Variants in WDFY4 observed in about 807,000 individuals in gnomAD.
WDFY4 encodes the protein WD repeat- and FYVE domain-containing protein 4.
A neutral mutation model predicts 351.9 loss-of-function variants in WDFY4; 169 were observed. The ratio of observed to expected loss-of-function variants is 0.48; its 90% confidence interval spans 0.42 to 0.55. The LOEUF (loss-of-function observed/expected upper bound fraction) is 0.55, where lower values mean the gene tolerates loss of function less well. Ranked by LOEUF, WDFY4 falls within the 20% of genes least tolerant of loss-of-function variation. WDFY4 has a pLI of 0.00. For synonymous variants in WDFY4, 1,622 were observed against 1,574.6 expected, an observed-to-expected ratio of 1.03 and a Z score of -0.71; for missense variants, 3,803 against 3,935.6, an observed-to-expected ratio of 0.97 and a Z score of 0.90.
At chr10:48,693,809 A>C (rs1028408726) in intron 1 of WDFY4, among the ~76,000 whole-genome samples, 1 of 152,150 alleles carries the variant, frequency 6.6e-6, no homozygotes, top group African/African-American at 2.4e-5. Flanking sequence ...CTGTATCTGA[A>C]AGTGTCTCTT....
In WDFY4 at chr10:48,729,413, G is replaced by T. The variant is rs915686577; in HGVS notation, c.972-19G>T. ...TCCATCTAGGAAGTACAGGGAGCTGGCCTCATCTGTTCCCCCAGGTATGAT... is the reference window on the plus strand; with the variant it reads ...TCCATCTAGGAAGTACAGGGAGCTGTCCTCATCTGTTCCCCCAGGTATGAT... On this transcript the variant is annotated intron_variant, in intron 7 of 61. Transcript: ENST00000325239. 6 of 1,549,882 alleles carry T rather than the reference G, an allele frequency of 3.9e-6. No homozygotes were observed. The African/African-American group carries it at 8.2e-5, about 21-fold the overall frequency.
In WDFY4 at chr10:48,959,872, C is replaced by T. The variant is rs1841780020; in HGVS notation, c.8223+59C>T. 10 of 1,468,602 alleles carry T rather than the reference C, an allele frequency of 6.8e-6. No homozygotes were observed. The East Asian group carries it at 1.2e-4, about 18-fold the overall frequency. The allele number at this position is 1,468,602 out of a possible 1,614,324, so 91.0% of individuals were successfully genotyped here. On this transcript the variant is annotated intron_variant, in intron 53 of 61. Transcript: ENST00000325239. ...GGGACCTGAACATCCCCTCAAGTTC[C>T]ACCGAGGCTTTCTGTCCAAGTGGAG...
chr10:48,904,832 G>A (rs1360725683), intron 47 of WDFY4, among the ~76,000 whole-genome samples: 1 of 152,206 alleles, frequency 6.6e-6, no homozygotes, highest in Non-Finnish European at 1.5e-5. Flanking sequence ...GATAGGGTCA[G>A]TCCCACCCAA....
intron 51 of WDFY4, among the ~76,000 whole-genome samples, chr10:48,950,129 C>T (rs1235038277): frequency 1.3e-5 from 2 of 152,170 alleles, no homozygotes; most frequent in Non-Finnish European, 2.9e-5. Context: ...GTGCAGCCAT[C>T]GCCACCATCT....
At chr10:48,933,273 C>T (rs1262998587) in intron 47 of WDFY4, among the ~76,000 whole-genome samples, 1 of 152,218 alleles carries the variant, frequency 6.6e-6, no homozygotes, top group Non-Finnish European at 1.5e-5. Flanking sequence ...TTTTGCCCAG[C>T]ACAAAGTCTA....
intron 39 of WDFY4, among the ~76,000 whole-genome samples, chr10:48,854,242 G>A (rs894276538): frequency 2.6e-5 from 4 of 151,562 alleles, no homozygotes; most frequent in African/African-American, 9.7e-5. Flanking sequence ...CTGAGTAGCT[G>A]GGACTACAGG....
chr10:48,716,127 A>G lies in WDFY4; in HGVS notation c.235-3884A>G, dbSNP rs534515811. Among the ~76,000 whole-genome samples, 26 of 151,854 alleles carry G rather than the reference A, an allele frequency of 1.7e-4. No homozygotes were observed. In the South Asian group the frequency reaches 5.4e-3, roughly 32 times the overall value. ...TGCGCCATTTTTTTTTCAACAGAGG[A>G]GAGGGTCTACTGCATCACACTCGCA... On this transcript the variant is annotated intron_variant, in intron 2 of 61. Coordinates refer to ENST00000325239, the MANE Select transcript of WDFY4 (RefSeq NM_001394531.1).
chr10:48,901,314 C>A (rs544878107), intron 46 of WDFY4, among the ~76,000 whole-genome samples: 9 of 152,356 alleles, frequency 5.9e-5, no homozygotes, highest in African/African-American at 2.2e-4. Flanking sequence ...TGATTCATTT[C>A]CCCCTATGGT....
intron 34 of WDFY4, among the ~76,000 whole-genome samples, chr10:48,822,100 A>G (rs182130596): frequency 9.5e-4 from 145 of 152,222 alleles, no homozygotes; most frequent in African/African-American, 3.2e-3. Context: ...CAAGCAGCAC[A>G]TTCTCCCCCA....
In WDFY4 at chr10:48,775,774, C is replaced by T. The variant is rs12242384; in HGVS notation, c.2831C>T (p.Ser944Phe). The stretch of plus-strand genomic sequence containing the variant: ...GCCACAACAAAAATCCTTGATTCAT[C>T]TCACACACACAGAGGCAACCCTGGG... ...LSATTKILDS[S>F]HTHRGNPGCS... Residue 944 changes from serine (S) to phenylalanine (F), a missense_variant, in exon 15 of 62, where the codon TCT (serine) becomes TTT (phenylalanine). Transcript: ENST00000325239. 4,156 of 1,551,728 alleles carry T rather than the reference C, an allele frequency of 2.7e-3. 105 individuals carry two copies. In the African/African-American group the frequency reaches 0.05, roughly 19 times the overall value.
chr10:48,981,192 G>C (rs578134117), intron 60 of WDFY4, among the ~76,000 whole-genome samples, 175 bp from the exon 61 acceptor site: 2 of 152,184 alleles, frequency 1.3e-5, no homozygotes, highest in African/African-American at 2.4e-5. Flanking sequence ...AAATTGGGAC[G>C]GCCCTTTTTG....
intron 32 of WDFY4, among the ~76,000 whole-genome samples, chr10:48,819,004 C>A (rs1195805228): frequency 6.6e-6 from 1 of 152,222 alleles, no homozygotes; most frequent in Non-Finnish European, 1.5e-5. Flanking sequence ...AGATGCCCAG[C>A]TCAGCCCCCA....
intron 47 of WDFY4, among the ~76,000 whole-genome samples, chr10:48,902,358 A>T (rs1405129396): frequency 1.3e-5 from 2 of 152,214 alleles, no homozygotes; most frequent in African/African-American, 2.4e-5. Context: ...CGCCGCCGCC[A>T]GGTCCCCTTT....
At chr10:48,779,890 T>C in intron 18 of WDFY4, 51 bp from the exon 19 acceptor site, 1 of 1,544,856 alleles carries the variant, frequency 6.5e-7, no homozygotes, top group Non-Finnish European at 8.7e-7. Flanking sequence ...TCTCCTGGGT[T>C]CCTGCAGTGT....
intron 47 of WDFY4, chr10:48,914,114 G>C: frequency 6.8e-6 from 11 of 1,614,182 alleles, no homozygotes; most frequent in Non-Finnish European, 9.3e-6. Context: ...CCACCTTGAG[G>C]GTGATCTTCT....
chr10:48,900,401 C>A, intron 46 of WDFY4, 95 bp downstream of exon 46: 1 of 1,216,078 alleles, frequency 8.2e-7, no homozygotes. Flanking sequence ...GAAAAGTGTT[C>A]TCAACCCACA....
At chr10:48,735,760 A>G in intron 10 of WDFY4, 120 bp from the exon 11 acceptor site, 1 of 1,070,808 alleles carries the variant, frequency 9.3e-7, no homozygotes, top group Non-Finnish European at 1.3e-6. Flanking sequence ...TGAGCAAAAG[A>G]GAAACAAAAA....
intron 47 of WDFY4, among the ~76,000 whole-genome samples, chr10:48,921,774 A>C (rs932332425): frequency 1.3e-5 from 2 of 152,236 alleles, no homozygotes; most frequent in African/African-American, 4.8e-5. Flanking sequence ...ATTTAAAGAT[A>C]CATTTCAAGA....
At chr10:48,754,325 T>C (rs1220971842) in intron 12 of WDFY4, among the ~76,000 whole-genome samples, 1 of 151,356 alleles carries the variant, frequency 6.6e-6, no homozygotes, top group Non-Finnish European at 1.5e-5. Context: ...CCAGACATAC[T>C]CCTACTTCAG....
Sources: allele counts gnomAD v4.1 joint callset (sites outside exome capture counted in the v4.1 genomes callset), GRCh38; gene constraint gnomAD v4.1.1; transcripts MANE v1.5; gene names NCBI Gene and HGNC (gene_info 2026-07-23, HGNC 2026-07-21).